GLYATL2: variants seen among roughly 807,000 people sequenced by gnomAD.
The protein encoded by GLYATL2 is glycine-N-acyltransferase like 2.
In GLYATL2, 25 loss-of-function variants were observed where a neutral mutation model predicts 21.4. The ratio of observed to expected loss-of-function variants is 1.17; its 90% CI spans 0.85 to 1.63. The LOEUF is 1.63. Ranked by LOEUF, GLYATL2 falls within the 40% of genes most tolerant of loss-of-function variation. The pLI is 0.00. For synonymous variants in GLYATL2, 114 were observed against 118.2 expected (o/e 0.96, Z 0.23); for missense variants, 361 against 343.3 (o/e 1.05, Z -0.41).
chr11:58,871,434 C>A (rs568325880), intron 1 of GLYATL2, among the ~76,000 whole-genome samples: 1 of 140,526 alleles, frequency 7.1e-6, no homozygotes, highest in Admixed American at 7.1e-5. Flanking sequence ...TCCCTCCCCC[C>A]TCCCCCACCC....
chr11:58,888,674 T>A (rs952817030), intron 1 of GLYATL2, among the ~76,000 whole-genome samples: 1 of 151,904 alleles, frequency 6.6e-6, no homozygotes, highest in Non-Finnish European at 1.5e-5. Flanking sequence ...TTCATTGTTT[T>A]TGTGATAAAT....
chr11:58,848,094 C>T (rs1420772480), upstream of GLYATL2, among the ~76,000 whole-genome samples: 1 of 148,306 alleles, frequency 6.7e-6, no homozygotes, highest in African/African-American at 2.5e-5. Flanking sequence ...TTCTCCAAGA[C>T]TATTGAGGCG....
chr11:58,888,523 T>C (rs1854482494), intron 1 of GLYATL2, among the ~76,000 whole-genome samples: 1 of 152,002 alleles, frequency 6.6e-6, no homozygotes, highest in African/African-American at 2.4e-5. Flanking sequence ...ATACTTTTCT[T>C]CCTTATGGCT....
chr11:58,838,564 A>G (rs958342150), intron 2 of GLYATL2, among the ~76,000 whole-genome samples, 196 bp from the exon 3 acceptor site: 1 of 152,208 alleles, frequency 6.6e-6, no homozygotes, highest in African/African-American at 2.4e-5. Context: ...AAAAGCATCC[A>G]CAAAAATCCA....
chr11:58,887,161 A>T (rs995630964), intron 1 of GLYATL2, among the ~76,000 whole-genome samples: 1 of 152,256 alleles, frequency 6.6e-6, no homozygotes, highest in African/African-American at 2.4e-5. Flanking sequence ...AACTTCACAT[A>T]TGCATTGCTT....
chr11:58,905,496 C>T (rs1417423302), upstream of GLYATL2: 1 of 456,196 alleles, frequency 2.2e-6, no homozygotes, highest in Non-Finnish European at 4.4e-6. Flanking sequence ...CAGCTCTCCT[C>T]AGCGCGCTGC....
chr11:58,871,373 T>G (rs998621421), intron 1 of GLYATL2, among the ~76,000 whole-genome samples: 5 of 152,034 alleles, frequency 3.3e-5, no homozygotes, highest in African/African-American at 1.2e-4. Flanking sequence ...CATGTTGGTG[T>G]GCTGCACCCA....
At chr11:58,856,178 T>C (rs981210996) in intron 1 of GLYATL2, among the ~76,000 whole-genome samples, 1 of 152,044 alleles carries the variant, frequency 6.6e-6, no homozygotes, top group Non-Finnish European at 1.5e-5. Context: ...TCCTTAAACC[T>C]CATGAACCAA....
At position 58,878,211 on chromosome 11, in the gene GLYATL2, A is replaced by G. The variant is rs548680536; in HGVS notation, n.60+25945T>C. 1.9e-3 allele frequency: 515 copies of G among 275,982 alleles called. 1 individual carries two copies. Among genetic ancestry groups the G allele is most frequent in the Admixed American group, 2.7e-3 (52 of 19,062 alleles). 17.1% of individuals were successfully genotyped at this position (275,982 alleles called of 1,614,324 possible). ...AGATTCCGGAATTCTTCATTGCTCA[A>G]TTAAACTCCTTTAAATTTAATTCAG... On this transcript the variant is annotated intron_variant and non_coding_transcript_variant, in intron 1 of 4. Coordinates refer to the GLYATL2 transcript ENST00000533636.
At chr11:58,871,603 C>T (rs1328480487) in intron 1 of GLYATL2, among the ~76,000 whole-genome samples, 1 of 151,966 alleles carries the variant, frequency 6.6e-6, no homozygotes, top group Non-Finnish European at 1.5e-5. Flanking sequence ...TCCCTAAAAA[C>T]GACATGAACT....
At chr11:58,858,865 T>A (rs1473041856) in intron 1 of GLYATL2, among the ~76,000 whole-genome samples, 1 of 152,192 alleles carries the variant, frequency 6.6e-6, no homozygotes, top group Non-Finnish European at 1.5e-5. Context: ...ATTCTTGCTT[T>A]TCTGAGTCAG....
chr11:58,852,008 G>C (rs1323552536), intron 1 of GLYATL2, among the ~76,000 whole-genome samples: 1 of 152,162 alleles, frequency 6.6e-6, no homozygotes, highest in East Asian at 1.9e-4. Flanking sequence ...CTGAGTTTCT[G>C]GATTGATCCA....
chr11:58,874,922 C>A (rs1449226515), intron 1 of GLYATL2, among the ~76,000 whole-genome samples: 2 of 152,156 alleles, frequency 1.3e-5, no homozygotes, highest in African/African-American at 4.8e-5. Context: ...GTGTGGGAGT[C>A]TAAGTCTCTT....
chr11:58,841,339 T>G (rs1853548981), intron 1 of GLYATL2, among the ~76,000 whole-genome samples: 1 of 152,214 alleles, frequency 6.6e-6, no homozygotes, highest in African/African-American at 2.4e-5. Flanking sequence ...TCTGGCTATC[T>G]GGGTCACCTT....
At chr11:58,901,154 CCGCTGA>C (rs1208269589) in intron 1 of GLYATL2, among the ~76,000 whole-genome samples, 2 of 152,204 alleles carry the variant, frequency 1.3e-5, no homozygotes, top group Non-Finnish European at 2.9e-5. Context: ...TAAAAAAGCA[CCGCTGA>C]CGCCCTGGGA....
intron 1 of GLYATL2, among the ~76,000 whole-genome samples, chr11:58,898,980 T>G (rs1290652296): frequency 3.3e-5 from 5 of 152,198 alleles, no homozygotes; most frequent in African/African-American, 1.2e-4. Context: ...TACGCAAATA[T>G]TTTTTCTTTT....
chr11:58,905,380 G>T, upstream of GLYATL2: 1 of 438,414 alleles, frequency 2.3e-6, no homozygotes, highest in South Asian at 1.6e-5. Flanking sequence ...TGCTGCTGCC[G>T]CTGGATCCCG....
chr11:58,870,029 G>A (rs1854090024), intron 1 of GLYATL2, among the ~76,000 whole-genome samples: 1 of 152,068 alleles, frequency 6.6e-6, no homozygotes, highest in African/African-American at 2.4e-5. Flanking sequence ...GATTGCTTGA[G>A]CCTGAAAGGT....
Position 58,838,299 on chromosome 11 carries a change from G to T in GLYATL2, c.148C>A (p.Pro50Thr), listed in dbSNP as rs767619166. 3 of 1,613,172 alleles carry T rather than the reference G, an allele frequency of 1.9e-6. No homozygotes were observed. Among genetic ancestry groups the T allele is most frequent in the Non-Finnish European group, 2.5e-6 (3 of 1,179,328 alleles). The change falls in exon 3 of 6, where the codon CCA becomes ACA. Residue 50 changes from proline to threonine, a missense_variant. Pro to Thr is a conservative substitution (Grantham distance 38, BLOSUM62 -1). Transcript: ENST00000287275. ...CGGGTAATGACGATCTGGTAATCTGGCCAGGCATCTACCAGCACCTCCATG... is the reference window on the plus strand; with the variant it reads ...CGGGTAATGACGATCTGGTAATCTGTCCAGGCATCTACCAGCACCTCCATG... ...FNMEVLVDAW[P>T]DYQIVITRPQ... is the part of the protein sequence containing the mutation.
Sources: gnomAD v4.1 joint callset for allele counts (sites outside exome capture counted in the v4.1 genomes callset) on GRCh38, gnomAD v4.1.1 for gene constraint, MANE v1.5 for transcripts, NCBI Gene and HGNC (gene_info 2026-07-23, HGNC 2026-07-21) for gene names.